The following RSF1 variants were observed in gnomAD, a reference collection of about 807,000 sequenced individuals.
The protein encoded by RSF1 is HBV pX-associated protein 8.
Under a neutral mutation model 145.2 loss-of-function variants are expected in RSF1, and 13 were observed. The observed-to-expected ratio is 0.09, with a 90% CI of 0.06 to 0.14. The LOEUF is 0.14. RSF1 is among the 10% of genes least tolerant of loss of function. The probability of loss-of-function intolerance (pLI) is 1.00; values close to 1 mark genes in which losing one functional copy is unlikely to be tolerated. For missense variants in RSF1, 1,517 were observed against 1,718.2 expected (o/e 0.88, Z 2.07); for synonymous variants, 577 against 592.6 (o/e 0.97, Z 0.38).
At chr11:77,764,396 G>A in intron 2 of RSF1, 1 of 500,680 alleles carries the variant, frequency 2.0e-6, no homozygotes. Context: ...TAACACTTCT[G>A]AAATCTAACT....
At chr11:77,738,846 AT>A (rs1299116117) in intron 4 of RSF1, 116 of 145,698 alleles carry the variant, frequency 8.0e-4, no homozygotes, top group Middle Eastern at 3.6e-3. Flanking sequence ...AACCCAGCTA[AT>A]TTTTTTTTTT....
chr11:77,739,853 AGGTTATATTTCAT>A, intron 4 of RSF1, among the ~76,000 whole-genome samples: 1 of 152,222 alleles, frequency 6.6e-6, no homozygotes, highest in East Asian at 1.9e-4. Context: ...CATAGGGTTT[AGGTTATATTTCAT>A]GGTTATATAT....
At chr11:77,821,720 TCGGGG>T (rs921308300), upstream of RSF1, among the ~76,000 whole-genome samples, 6 of 150,502 alleles carry the variant, frequency 4.0e-5, no homozygotes, top group African/African-American at 1.2e-4. Flanking sequence ...GGGTTCCACT[TCGGGG>T]CGGGGCGGGG....
intron 3 of RSF1, among the ~76,000 whole-genome samples, chr11:77,746,275 G>GT (rs1430504068): frequency 1.3e-5 from 2 of 152,036 alleles, no homozygotes; most frequent in African/African-American, 4.8e-5. Context: ...TCTGAGACAG[G>GT]TATCTTTTGG....
Position 77,665,369 on chromosome 11 carries a change from A to C in RSF1, c.*1548T>G, listed in dbSNP as rs533463034. On this transcript the variant is annotated 3_prime_UTR_variant, in exon 16 of 16. Coordinates refer to ENST00000308488, the MANE Select transcript of RSF1 (RefSeq NM_016578.4). The stretch of plus-strand genomic sequence containing the variant: ...ACAGAAAAACCCAAATCCCAGGGCT[A>C]AAGTATTCACAGAAGTAATGGTTGA... The C allele has an allele frequency of 6.6e-6, 1 of 152,200 alleles. No individual in the cohort carries two copies. The highest frequency in any genetic ancestry group is 1.5e-5 in the Non-Finnish European group (1 of 68,050). 9.4% of individuals were successfully genotyped at this position (152,200 alleles called of 1,614,324 possible). A position where few individuals can be genotyped will look rare whatever the true frequency, so the allele number is the denominator to read the frequency against.
chr11:77,759,163 C>CA lies in RSF1; in HGVS notation c.279+5434dup, dbSNP rs1325298225. Among the ~76,000 whole-genome samples, 4 of 152,180 alleles carry CA rather than the reference C, an allele frequency of 2.6e-5. No individual in the cohort carries two copies. In the South Asian group the frequency reaches 8.3e-4, roughly 32 times the overall value. The stretch of plus-strand genomic sequence containing the variant: ...GTATCCACTGTATTTTGCAAGCTGT[C>CA]ATAGTTCAACAAATAAGTATTTTAT... On this transcript the variant is annotated intron_variant, in intron 2 of 15. Coordinates refer to ENST00000308488, the MANE Select transcript of RSF1 (RefSeq NM_016578.4).
rs1959288291 is a variant in RSF1, at chr11:77,663,655, C to T, written c.*3262G>A. The T allele has an allele frequency of 6.6e-6, 1 of 152,114 alleles. No individual in the cohort carries two copies. Among genetic ancestry groups the T allele is most frequent in the African/African-American group, 2.4e-5 (1 of 41,424 alleles). 9.4% of individuals were successfully genotyped at this position (152,114 alleles called of 1,614,324 possible). ...TGTACATTCTTGAAAATATCTCTGC[C>T]ATCATTTTGCAGTAATGTGCCAATG... On this transcript the variant is annotated 3_prime_UTR_variant, in exon 16 of 16. Coordinates refer to ENST00000308488, the MANE Select transcript of RSF1 (RefSeq NM_016578.4).
chr11:77,802,862 C>T (rs1423655183), intron 1 of RSF1, among the ~76,000 whole-genome samples: 2 of 151,974 alleles, frequency 1.3e-5, no homozygotes, highest in African/African-American at 2.4e-5. Context: ...AAAGATATCA[C>T]AAGAAAAAAA....
chr11:77,779,384 A>ATTT lies in RSF1; in HGVS notation c.188-14698_188-14696dup, dbSNP rs535878105. 2.5e-4 allele frequency among the ~76,000 whole-genome samples: 35 copies of ATTT among 142,540 alleles called. 1 individual carries two copies. The highest frequency in any genetic ancestry group is 4.9e-4 in the Admixed American group (7 of 14,330). 93.5% of individuals were successfully genotyped at this position (142,540 alleles called of 152,430 possible). A position where few individuals can be genotyped will look rare whatever the true frequency, so the allele number is the denominator to read the frequency against. ...CTATGCCTTGCTATTTCTAAAAAAA[A>ATTT]TTTTTTTTTTTTTTTGAGATGGAGT... is the stretch of plus-strand genomic sequence containing the variant. On this transcript the variant is annotated intron_variant, in intron 1 of 15. Transcript: ENST00000308488.
In RSF1 at chr11:77,809,059, GC is replaced by G. The variant is rs1160933152; in HGVS notation, c.187+11468del. Among the ~76,000 whole-genome samples, 3 of 152,138 alleles carry G rather than the reference GC, an allele frequency of 2.0e-5. No individual in the cohort carries two copies. In the East Asian group the frequency reaches 5.8e-4, roughly 29 times the overall value. ...CACTGGTTAAGAGTTGGGCTCTGAA[GC>G]CAGACTTACCCAGTTTTAAATTCCC... On this transcript the variant is annotated intron_variant, in intron 1 of 15. Coordinates refer to ENST00000308488, the MANE Select transcript of RSF1 (RefSeq NM_016578.4).
chr11:77,824,831 A>G (rs1949094030), upstream of RSF1, among the ~76,000 whole-genome samples: 1 of 152,240 alleles, frequency 6.6e-6, no homozygotes, highest in African/African-American at 2.4e-5. Flanking sequence ...AACTAAATGC[A>G]ATGCAATTAT....
intron 2 of RSF1, among the ~76,000 whole-genome samples, chr11:77,749,374 G>C (rs924596056): frequency 6.6e-6 from 1 of 152,168 alleles, no homozygotes; most frequent in Non-Finnish European, 1.5e-5. Flanking sequence ...GCTATGACCT[G>C]AATGAAGCAC....
At chr11:77,788,034 C>T (rs1948475482) in intron 1 of RSF1, among the ~76,000 whole-genome samples, 1 of 148,028 alleles carries the variant, frequency 6.8e-6, no homozygotes, top group African/African-American at 2.5e-5. Context: ...AGTAACTACT[C>T]GGGAGGCTGA....
At chr11:77,695,970 C>A (rs1960268119) in intron 7 of RSF1, among the ~76,000 whole-genome samples, 1 of 152,102 alleles carries the variant, frequency 6.6e-6, no homozygotes, top group Non-Finnish European at 1.5e-5. Flanking sequence ...TTTCTGCAAT[C>A]CTAACCTGTA....
intron 1 of RSF1, chr11:77,813,820 GACACACACACACACACACACAC>G (rs10688175): frequency 6.5e-5 from 11 of 169,240 alleles, no homozygotes; most frequent in Non-Finnish European, 8.7e-5. Context: ...TTTGTAAAAG[GACACACACACACACACACACAC>G]ACACACACAC....
intron 4 of RSF1, among the ~76,000 whole-genome samples, chr11:77,728,702 T>C (rs1037200380): frequency 2.6e-5 from 4 of 152,084 alleles, no homozygotes; most frequent in Admixed American, 6.6e-5. Context: ...ATTCTATGTA[T>C]ACAAAATGTT....
chr11:77,722,945 T>G (rs1960973786), intron 5 of RSF1, among the ~76,000 whole-genome samples: 1 of 152,252 alleles, frequency 6.6e-6, no homozygotes, highest in African/African-American at 2.4e-5. Context: ...TTTGAGGTCT[T>G]GTATTAGAAA....
At chr11:77,685,327 A>T (rs1959974614) in intron 9 of RSF1, among the ~76,000 whole-genome samples, 168 bp from the exon 10 acceptor site, 1 of 152,058 alleles carries the variant, frequency 6.6e-6, no homozygotes, top group East Asian at 1.9e-4. Context: ...ACAAGGTCTC[A>T]CTCTCTTGCC....
chr11:77,713,760 G>A (rs987993249), intron 5 of RSF1, among the ~76,000 whole-genome samples: 2 of 151,910 alleles, frequency 1.3e-5, no homozygotes, highest in African/African-American at 4.8e-5. Flanking sequence ...TCTTATGTTT[G>A]TTGACTCAGA....
Sources: gnomAD v4.1 joint callset for allele counts (sites outside exome capture counted in the v4.1 genomes callset) on GRCh38, gnomAD v4.1.1 for gene constraint, MANE v1.5 for transcripts, NCBI Gene and HGNC (gene_info 2026-07-23, HGNC 2026-07-21) for gene names.